Variants in MYO16 observed in about 807,000 individuals in gnomAD.
MYO16 encodes unconventional myosin-XVI.
In MYO16, 94 loss-of-function variants were observed where a neutral mutation model predicts 205.3. That is an observed-to-expected ratio of 0.46 (90% CI 0.39 to 0.54). The LOEUF (loss-of-function observed/expected upper bound fraction) is 0.54. Among genes scored for constraint, MYO16 ranks in the 20% least tolerant of loss-of-function variants. The pLI is 0.00. For synonymous variants in MYO16, 988 were observed against 954.0 expected (o/e 1.04, Z -0.66); for missense variants, 2,315 against 2,387.5 (o/e 0.97, Z 0.63).
intron 14 of MYO16, among the ~76,000 whole-genome samples, chr13:108,897,097 G>A (rs974203368): frequency 1.3e-5 from 2 of 152,082 alleles, no homozygotes; most frequent in African/African-American, 4.8e-5. Context: ...GAAACACTAG[G>A]GAACAGGAAA....
At chr13:109,023,246 A>C (rs562564336) in intron 23 of MYO16, among the ~76,000 whole-genome samples, 3,783 of 106,074 alleles carry the variant, frequency 0.036, 155 homozygotes, top group Middle Eastern at 0.056. Context: ...ATATAAATAT[A>C]TATATTTATA....
chr13:108,941,159 A>G (rs1555315494), intron 16 of MYO16, among the ~76,000 whole-genome samples: 1 of 152,146 alleles, frequency 6.6e-6, no homozygotes, highest in Non-Finnish European at 1.5e-5. Context: ...CCAGCTTCCC[A>G]GGGAGAAGCT....
rs933160793 is a variant in MYO16 at position 108,631,045 on chromosome 13, G to A, written c.28+1173G>A. ...CTAATAAGAATTAGAGGCATGCAGC[G>A]TATTTAAGAATTTTGAGAATAGTCT... On this transcript the variant is annotated intron_variant, in intron 1 of 34. Coordinates refer to ENST00000457511, the MANE Select transcript of MYO16 (RefSeq NM_001198950.3). 1.1e-4 allele frequency among the ~76,000 whole-genome samples: 17 copies of A among 152,254 alleles called. No individual in the cohort carries two copies. In the South Asian group the frequency reaches 2.3e-3, roughly 20 times the overall value.
At chr13:109,121,480 C>G (rs953147910) in intron 29 of MYO16, among the ~76,000 whole-genome samples, 8 of 152,238 alleles carry the variant, frequency 5.3e-5, no homozygotes, top group African/African-American at 1.4e-4. Context: ...TAACTGGCAA[C>G]ATCCTCCTTT....
At chr13:108,722,535 CTGTT>C (rs1884202352) in intron 3 of MYO16, among the ~76,000 whole-genome samples, 1 of 152,258 alleles carries the variant, frequency 6.6e-6, no homozygotes, top group East Asian at 1.9e-4. Flanking sequence ...CTAATTAACT[CTGTT>C]TGGTGAAAGA....
chr13:108,679,567 A>G (rs987217611), intron 2 of MYO16, among the ~76,000 whole-genome samples: 7 of 151,868 alleles, frequency 4.6e-5, no homozygotes, highest in Admixed American at 4.6e-4. Flanking sequence ...CACTGTCATG[A>G]CCTGGTTGTG....
chr13:108,723,144 A>G (rs1884223701), intron 3 of MYO16, among the ~76,000 whole-genome samples: 2 of 140,258 alleles, frequency 1.4e-5, no homozygotes, highest in Admixed American at 1.4e-4. Context: ...TGTAATTTGA[A>G]CACCCATTTT....
At chr13:109,199,980 T>C (rs1429384910) in intron 34 of MYO16, among the ~76,000 whole-genome samples, 1 of 152,230 alleles carries the variant, frequency 6.6e-6, no homozygotes, top group Non-Finnish European at 1.5e-5. Context: ...TGATTGTATT[T>C]GTTTGCTATT....
intron 24 of MYO16, among the ~76,000 whole-genome samples, chr13:109,051,945 T>C (rs1052420372): frequency 1.3e-5 from 2 of 152,050 alleles, no homozygotes; most frequent in Non-Finnish European, 2.9e-5. Flanking sequence ...GGGGCGTTTC[T>C]AATAGAGACC....
chr13:109,118,503 A>G (rs929393541), intron 28 of MYO16, among the ~76,000 whole-genome samples: 3 of 152,138 alleles, frequency 2.0e-5, no homozygotes, highest in African/African-American at 7.2e-5. Context: ...CTCTCCTTCC[A>G]TGTTAATTCC....
At chr13:108,532,625 C>G in the MYO16 span, among the ~76,000 whole-genome samples, 7 of 148,088 alleles carry the variant, frequency 4.7e-5, no homozygotes, top group Admixed American at 4.7e-4. Context: ...AGACCCCCAT[C>G]TCTACACAAT....
At chr13:108,744,853 T>A (rs1295962853) in intron 4 of MYO16, among the ~76,000 whole-genome samples, 1 of 152,210 alleles carries the variant, frequency 6.6e-6, no homozygotes, top group Non-Finnish European at 1.5e-5. Context: ...AGCCTTTTGG[T>A]TTTTAGTTTT....
chr13:108,723,166 G>A lies in MYO16; in HGVS notation c.364-4274G>A, dbSNP rs965080914. ...TGAACACCCATTTTTTTGGTGAAGT[G>A]AGAGATTAAATATTTTGCCTTATCT... is the stretch of plus-strand genomic sequence containing the variant. On this transcript the variant is annotated intron_variant, in intron 3 of 34. Transcript: ENST00000457511. Among the ~76,000 whole-genome samples the A allele has an allele frequency of 3.9e-5, 6 of 152,046 alleles. No homozygotes were observed. In the South Asian group the frequency reaches 6.2e-4, roughly 16 times the overall value.
intron 4 of MYO16, among the ~76,000 whole-genome samples, chr13:108,733,345 A>C (rs994002076): frequency 6.6e-6 from 1 of 152,178 alleles, no homozygotes. Context: ...CTTGATTCTC[A>C]CAGAATTCTA....
chr13:109,015,280 G>A (rs1885766025), intron 22 of MYO16, among the ~76,000 whole-genome samples: 1 of 152,180 alleles, frequency 6.6e-6, no homozygotes, highest in African/African-American at 2.4e-5. Context: ...ATTTGTGTAT[G>A]TTGAACCAGT....
intron 2 of MYO16, among the ~76,000 whole-genome samples, chr13:108,686,378 C>G (rs759045317): frequency 3.3e-5 from 5 of 152,172 alleles, no homozygotes; most frequent in Non-Finnish European, 7.3e-5. Context: ...TTAAAGATAT[C>G]ACACGTATTA....
intron 32 of MYO16, among the ~76,000 whole-genome samples, chr13:109,160,734 T>C (rs1878341580): frequency 6.6e-6 from 1 of 152,226 alleles, no homozygotes; most frequent in Admixed American, 6.5e-5. Context: ...CTCAGAACCC[T>C]GCTGGCCACT....
chr13:108,566,472 A>G, the MYO16 span, among the ~76,000 whole-genome samples: 1 of 147,068 alleles, frequency 6.8e-6, no homozygotes, highest in South Asian at 2.1e-4. Context: ...CAAATAGCCA[A>G]CTTTTTTTTT....
rs950232966 is a variant in MYO16, at chr13:108,754,959, T to TAG, written c.507+27386_507+27387dup. 2.0e-5 allele frequency among the ~76,000 whole-genome samples: 3 copies of TAG among 151,244 alleles called. 1 individual carries two copies. Among genetic ancestry groups the TAG allele is most frequent in the South Asian group, 4.2e-4 (2 of 4,806 alleles). ...ATACGTAATAAGTATGATGAATATA[T>TAG]AGAGAGAGAGACAGAGAGAGAGAAC... On this transcript the variant is annotated intron_variant, in intron 4 of 34. Coordinates refer to ENST00000457511, the MANE Select transcript of MYO16 (RefSeq NM_001198950.3).
Sources: allele counts gnomAD v4.1 joint callset (sites outside exome capture counted in the v4.1 genomes callset), GRCh38; gene constraint gnomAD v4.1.1; transcripts MANE v1.5; gene names NCBI Gene and HGNC (gene_info 2026-07-23, HGNC 2026-07-21).